The following ASB3 variants were observed in gnomAD, a reference collection of about 807,000 sequenced individuals.
The protein encoded by ASB3 is ankyrin repeat and SOCS box protein 3.
ASB3 carries 41 observed loss-of-function variants against 54.5 expected under a neutral mutation model. The observed-to-expected ratio is 0.75, with a 90% confidence interval of 0.59 to 0.98. The LOEUF is 0.98. Ranked by LOEUF, ASB3 falls within the 50% of genes least tolerant of loss-of-function variation. The pLI is 0.00. For missense variants in ASB3, 733 were observed against 620.0 expected (o/e 1.18, Z -1.94); for synonymous variants, 266 against 221.2 (o/e 1.20, Z -1.80).
intron 4 of ASB3, 89 bp downstream of exon 4, chr2:53,729,369 G>A (rs1308957291): frequency 4.5e-6 from 6 of 1,320,742 alleles, no homozygotes; most frequent in African/African-American, 2.9e-5. Flanking sequence ...TCACAGGCAA[G>A]CAGAAAGCAA....
chr2:53,765,566 A>C lies in ASB3; in HGVS notation c.7T>G (p.Phe3Val). 6.2e-7 allele frequency: 1 copy of C among 1,614,176 alleles called. No homozygotes were observed. Residue 3 changes from phenylalanine to valine, a missense_variant, in exon 2 of 10, where the codon TTT becomes GTT. Coordinates refer to ENST00000263634, the MANE Select transcript of ASB3 (RefSeq NM_016115.5). ...CACGTGTCCGCGTAAGCCTCTGTAA[A>C]ATCCATTTGTTTGACCAGTCTACAA... Reference protein sequence around the residue: MDFTEAYADTCST... With the variant: MDVTEAYADTCST...
intron 7 of ASB3, among the ~76,000 whole-genome samples, chr2:53,707,866 G>A (rs766272513): frequency 7.3e-5 from 11 of 150,966 alleles, no homozygotes; most frequent in East Asian, 1.9e-4. Context: ...GGAGGCTGAC[G>A]CACGAGAATT....
chr2:53,705,743 C>T (rs916222276), intron 7 of ASB3, among the ~76,000 whole-genome samples: 3 of 152,144 alleles, frequency 2.0e-5, no homozygotes, highest in African/African-American at 4.8e-5. Context: ...TTCCCTGACG[C>T]TCTTGTTTTT....
At chr2:53,712,514 AT>A (rs1670157702) in intron 7 of ASB3, among the ~76,000 whole-genome samples, 1 of 152,154 alleles carries the variant, frequency 6.6e-6, no homozygotes, top group Non-Finnish European at 1.5e-5. Context: ...TTCCCACCTA[AT>A]TTCATTTATC....
chr2:53,741,121 C>T (rs1018382378), intron 3 of ASB3, among the ~76,000 whole-genome samples: 1 of 152,088 alleles, frequency 6.6e-6, no homozygotes, highest in Non-Finnish European at 1.5e-5. Context: ...AGTTCCCTAT[C>T]AAAGAAAAAG....
chr2:53,779,563 A>G (rs1013703565), intron 1 of ASB3, among the ~76,000 whole-genome samples: 1 of 152,118 alleles, frequency 6.6e-6, no homozygotes, highest in African/African-American at 2.4e-5. Flanking sequence ...CAGCCTCCCA[A>G]GTAGCTGGGA....
intron 2 of ASB3, among the ~76,000 whole-genome samples, chr2:53,754,355 G>A (rs1672698223): frequency 6.6e-6 from 1 of 152,084 alleles, no homozygotes; most frequent in Non-Finnish European, 1.5e-5. Flanking sequence ...CCCACTTCTG[G>A]AGTGCAAGCC....
At chr2:53,786,310 C>T (rs1004728818) in intron 1 of ASB3, 2 of 152,142 alleles carry the variant, frequency 1.3e-5, no homozygotes, top group Admixed American at 1.3e-4. Context: ...AACAACACCC[C>T]AACACTTCAA....
intron 3 of ASB3, among the ~76,000 whole-genome samples, chr2:53,748,863 G>A (rs114858717): frequency 7.8e-4 from 118 of 152,176 alleles, no homozygotes; most frequent in African/African-American, 2.5e-3. Flanking sequence ...AATGAGGGCT[G>A]TAGACCAAAT....
chr2:53,784,641 C>A (rs1457232216), intron 1 of ASB3, among the ~76,000 whole-genome samples: 2 of 152,180 alleles, frequency 1.3e-5, no homozygotes, highest in African/African-American at 4.8e-5. Context: ...ACACATACTG[C>A]AATCTTGCTG....
chr2:53,780,605 C>G (rs764264868), intron 1 of ASB3, among the ~76,000 whole-genome samples: 4 of 151,970 alleles, frequency 2.6e-5, no homozygotes, highest in Non-Finnish European at 5.9e-5. Context: ...ATAGTGAGAC[C>G]ATGTCTCTAC....
At position 53,702,549 on chromosome 2, in the gene ASB3, T is replaced by C. The variant is rs112955888; in HGVS notation, c.981-2021A>G. Among the ~76,000 whole-genome samples the C allele has an allele frequency of 7.2e-3, 1,093 of 152,330 alleles. 17 individuals carry two copies. Among genetic ancestry groups the C allele is most frequent in the African/African-American group, 0.025 (1,044 of 41,578 alleles). ...GAAAACTCTTCAAGTACCCGAGATT[T>C]AAACAAAAGTCTATCTTGTTTAACA... On this transcript the variant is annotated intron_variant, in intron 7 of 9. Coordinates refer to ENST00000263634, the MANE Select transcript of ASB3 (RefSeq NM_016115.5).
chr2:53,728,984 G>T, intron 4 of ASB3, 137 bp from the exon 5 acceptor site: 1 of 963,356 alleles, frequency 1.0e-6, no homozygotes, highest in Non-Finnish European at 1.5e-6. Flanking sequence ...ACAGTATACT[G>T]CTGTATTAGT....
chr2:53,690,610 C>T (rs542186003), intron 9 of ASB3, among the ~76,000 whole-genome samples: 18 of 149,296 alleles, frequency 1.2e-4, no homozygotes, highest in African/African-American at 4.4e-4. Flanking sequence ...GACAACAGAG[C>T]TCAGAGCCAA....
At chr2:53,674,754 G>A (rs367619467) in intron 9 of ASB3, among the ~76,000 whole-genome samples, 117 of 151,996 alleles carry the variant, frequency 7.7e-4, no homozygotes, top group African/African-American at 2.6e-3. Flanking sequence ...TGTCTTTCTC[G>A]TTGGTATCCA....
chr2:53,781,781 C>T (rs533400968), intron 1 of ASB3, among the ~76,000 whole-genome samples: 83 of 152,336 alleles, frequency 5.4e-4, no homozygotes, highest in African/African-American at 1.9e-3. Flanking sequence ...AGGCGTGAGC[C>T]ACCACGCCCG....
intron 3 of ASB3, among the ~76,000 whole-genome samples, chr2:53,736,860 G>A (rs750620569): frequency 2.6e-5 from 4 of 151,772 alleles, no homozygotes; most frequent in Admixed American, 6.6e-5. Context: ...GTGTGGTGGT[G>A]CATGCCTGTA....
chr2:53,759,568 G>A (rs1326276030), intron 2 of ASB3, among the ~76,000 whole-genome samples: 1 of 152,066 alleles, frequency 6.6e-6, no homozygotes, highest in Non-Finnish European at 1.5e-5. Context: ...CAGGCAGAAC[G>A]GGATAAACGG....
At chr2:53,768,119 C>T (rs1258412156) in intron 1 of ASB3, 4 of 1,378,412 alleles carry the variant, frequency 2.9e-6, no homozygotes, top group Non-Finnish European at 2.0e-6. Flanking sequence ...CACCTTAGCG[C>T]TTCATGGGGC....
Sources: allele counts gnomAD v4.1 joint callset (sites outside exome capture counted in the v4.1 genomes callset), GRCh38; gene constraint gnomAD v4.1.1; transcripts MANE v1.5; gene names NCBI Gene and HGNC (gene_info 2026-07-23, HGNC 2026-07-21).